DRC8: variants seen among roughly 807,000 people sequenced by gnomAD.
The protein encoded by DRC8 is dynein regulatory complex protein 8.
At chr1:245,110,027 T>C in the DRC8 span, among the ~76,000 whole-genome samples, 1 of 152,210 alleles carries the variant, frequency 6.6e-6, no homozygotes, top group East Asian at 1.9e-4. Context: ...CCCATTTTAA[T>C]CTTCAATGCT....
the DRC8 span, among the ~76,000 whole-genome samples, chr1:244,998,142 T>G: frequency 6.6e-6 from 1 of 152,162 alleles, no homozygotes; most frequent in Non-Finnish European, 1.5e-5. Flanking sequence ...ACTCCTTCAT[T>G]CTATTGACTG....
chr1:245,033,394 T>C, the DRC8 span, among the ~76,000 whole-genome samples: 16 of 152,078 alleles, frequency 1.1e-4, no homozygotes, highest in African/African-American at 3.4e-4. Flanking sequence ...CTTGTCTACG[T>C]TGGGAAAAGG....
chr1:245,084,399 A>T, the DRC8 span, among the ~76,000 whole-genome samples: 1 of 152,112 alleles, frequency 6.6e-6, no homozygotes, highest in East Asian at 1.9e-4. Flanking sequence ...GTTACAGATA[A>T]TGTAGCCTCA....
chr1:245,034,600 CAAAAAAAAA>C, the DRC8 span, among the ~76,000 whole-genome samples: 16 of 39,496 alleles, frequency 4.1e-4, no homozygotes, highest in East Asian at 7.5e-3. Flanking sequence ...GACTCCATCT[CAAAAAAAAA>C]AAAAAAAAAA....
the DRC8 span, among the ~76,000 whole-genome samples, chr1:244,995,630 T>C: frequency 6.6e-6 from 1 of 152,130 alleles, no homozygotes; most frequent in African/African-American, 2.4e-5. Flanking sequence ...ATGACAGGCA[T>C]GAGACACCGA....
the DRC8 span, among the ~76,000 whole-genome samples, chr1:245,098,942 T>G: frequency 5.9e-5 from 9 of 152,238 alleles, no homozygotes; most frequent in Admixed American, 3.9e-4. Context: ...ACTGGGGTTC[T>G]TAATTTTAAA....
At chr1:245,099,299 TC>T in the DRC8 span, among the ~76,000 whole-genome samples, 1 of 152,204 alleles carries the variant, frequency 6.6e-6, no homozygotes, top group African/African-American at 2.4e-5. Flanking sequence ...GGGGGCTTTT[TC>T]AACAGATTGT....
the DRC8 span, among the ~76,000 whole-genome samples, chr1:245,103,689 T>C: frequency 1.3e-5 from 2 of 151,928 alleles, no homozygotes; most frequent in Non-Finnish European, 2.9e-5. Flanking sequence ...CCTGTGAGGC[T>C]GACGAGGATC....
the DRC8 span, among the ~76,000 whole-genome samples, chr1:245,108,099 C>G: frequency 6.6e-6 from 1 of 152,082 alleles, no homozygotes; most frequent in Non-Finnish European, 1.5e-5. Flanking sequence ...CAAAGAACAC[C>G]TTCCTTTCCT....
chr1:245,017,465 A>G, the DRC8 span: 1 of 902,794 alleles, frequency 1.1e-6, no homozygotes, highest in East Asian at 2.9e-5. Flanking sequence ...ATGCTCCGTA[A>G]AAGGTCTTTG....
the DRC8 span, among the ~76,000 whole-genome samples, chr1:245,001,894 T>C: frequency 6.6e-6 from 1 of 152,230 alleles, no homozygotes; most frequent in Non-Finnish European, 1.5e-5. Flanking sequence ...TTATACTCAA[T>C]GTTAGGTTTC....
the DRC8 span, among the ~76,000 whole-genome samples, chr1:244,974,662 T>A: frequency 2.0e-5 from 3 of 152,164 alleles, no homozygotes; most frequent in Middle Eastern, 3.2e-3. Flanking sequence ...TTTGTTTTTT[T>A]TTTCTTCTTT....
At chr1:245,036,820 A>C in the DRC8 span, among the ~76,000 whole-genome samples, 1 of 152,066 alleles carries the variant, frequency 6.6e-6, no homozygotes, top group African/African-American at 2.4e-5. Flanking sequence ...GGTTGTGAGG[A>C]GGTAAGGGGA....
the DRC8 span, among the ~76,000 whole-genome samples, chr1:244,990,615 T>TCCCGG: frequency 6.6e-6 from 1 of 152,196 alleles, no homozygotes; most frequent in Admixed American, 6.5e-5. Context: ...CTGGCTCCTA[T>TCCCGG]GTCACTATGA....
chr1:245,084,064 C>CCCG, the DRC8 span, among the ~76,000 whole-genome samples: 2 of 114,080 alleles, frequency 1.8e-5, 1 homozygote, highest in Non-Finnish European at 3.7e-5. Flanking sequence ...AAAATTCCGC[C>CCCG]CCCCCCCCGG....
the DRC8 span, among the ~76,000 whole-genome samples, chr1:245,023,522 A>G: frequency 6.6e-6 from 1 of 152,156 alleles, no homozygotes; most frequent in African/African-American, 2.4e-5. Flanking sequence ...TTTTCTCCAC[A>G]TCTTTGCCAG....
the DRC8 span, among the ~76,000 whole-genome samples, chr1:245,109,316 C>G: frequency 9.9e-5 from 15 of 152,154 alleles, no homozygotes; most frequent in Non-Finnish European, 2.9e-5. Flanking sequence ...AATGGAAAGG[C>G]TCAAAGGGCT....
At chr1:245,049,674 G>A in the DRC8 span, among the ~76,000 whole-genome samples, 4 of 152,242 alleles carry the variant, frequency 2.6e-5, no homozygotes, top group East Asian at 1.9e-4. The surrounding 1 kb of genome is among the most constrained non-coding windows in gnomAD (Gnocchi z 4.5). Flanking sequence ...AACAATTTGC[G>A]GCCCTGGATC....
chr1:245,105,735 T>G, the DRC8 span, among the ~76,000 whole-genome samples: 1 of 152,176 alleles, frequency 6.6e-6, no homozygotes, highest in South Asian at 2.1e-4. Flanking sequence ...GCAGTTTGCT[T>G]CTTTTCTTTA....
Sources: allele counts gnomAD v4.1 joint callset (sites outside exome capture counted in the v4.1 genomes callset), GRCh38; gene constraint gnomAD v4.1.1; non-coding constraint Gnocchi (gnomAD v3.1); transcripts MANE v1.5; gene names NCBI Gene and HGNC (gene_info 2026-07-23, HGNC 2026-07-21).